The following PKIA variants were observed in gnomAD, a reference collection of about 807,000 sequenced individuals.
PKIA encodes the protein cAMP-dependent protein kinase inhibitor alpha, also known as PKI-alpha.
A neutral mutation model predicts 7.6 loss-of-function variants in PKIA; 4 were observed. The ratio of observed to expected loss-of-function variants is 0.52; its 90% confidence interval spans 0.26 to 1.20. PKIA has a LOEUF of 1.20. Among genes scored for constraint, PKIA ranks in the 50% most tolerant of loss-of-function variants. The pLI, the probability that PKIA is intolerant of heterozygous loss-of-function variation, is 0.13. For synonymous variants in PKIA, 21 were observed against 30.7 expected, an observed-to-expected ratio of 0.68 and a Z score of 1.04; for missense variants, 73 against 86.2, an observed-to-expected ratio of 0.85 and a Z score of 0.61.
intron 2 of PKIA, among the ~76,000 whole-genome samples, chr8:78,586,472 C>G (rs1807952589): frequency 2.0e-5 from 3 of 152,084 alleles, no homozygotes; most frequent in Non-Finnish European, 4.4e-5. Flanking sequence ...CAAGGCAAAA[C>G]AGCCCTAACA....
At chr8:78,585,035 G>C (rs1053998749) in intron 2 of PKIA, among the ~76,000 whole-genome samples, 1 of 151,980 alleles carries the variant, frequency 6.6e-6, no homozygotes, top group African/African-American at 2.4e-5. Flanking sequence ...TATACAACAT[G>C]TCATGATTTT....
chr8:78,597,184 G>A (rs901551879), intron 2 of PKIA, among the ~76,000 whole-genome samples: 3 of 151,912 alleles, frequency 2.0e-5, no homozygotes, highest in Admixed American at 1.3e-4. Context: ...GGTTCTTTAC[G>A]AATTTCAGAA....
chr8:78,564,750 T>C (rs964635597), intron 1 of PKIA, among the ~76,000 whole-genome samples: 1 of 151,882 alleles, frequency 6.6e-6, no homozygotes, highest in Non-Finnish European at 1.5e-5. Flanking sequence ...AGAAAATGAT[T>C]GAGTAAAGCA....
chr8:78,598,315 G>T, intron 2 of PKIA, 43 bp from the exon 3 acceptor site: 1 of 1,220,576 alleles, frequency 8.2e-7, no homozygotes, highest in South Asian at 1.4e-5. Context: ...GTTTAGCATT[G>T]ACTACCATTA....
Position 78,602,054 on chromosome 8 carries a change from A to AT in PKIA, c.*238dup. ...ATCATGTGGCTTGTGTTTGGGCGTCATTTTTGTATGGATCCTTTCACTTGA... is the reference window on the plus strand; with the variant it reads ...ATCATGTGGCTTGTGTTTGGGCGTCATTTTTTGTATGGATCCTTTCACTTGA... On this transcript the variant is annotated 3_prime_UTR_variant, in exon 4 of 4. Transcript: ENST00000396418. The AT allele has an allele frequency of 1.9e-6, 1 of 531,900 alleles. No homozygotes were observed. The highest frequency in any genetic ancestry group is 3.3e-6 in the Non-Finnish European group (1 of 299,634). 32.9% of individuals were successfully genotyped at this position (531,900 alleles called of 1,614,324 possible).
intron 1 of PKIA, among the ~76,000 whole-genome samples, chr8:78,555,563 C>T (rs181111222): frequency 1.8e-4 from 28 of 152,080 alleles, no homozygotes; most frequent in African/African-American, 6.0e-4. Flanking sequence ...AAATAAAAAT[C>T]ACTTCTTAGT....
intron 1 of PKIA, among the ~76,000 whole-genome samples, chr8:78,547,691 A>G (rs969800007): frequency 6.6e-6 from 1 of 152,180 alleles, no homozygotes. Flanking sequence ...AGAGAGGACT[A>G]GACAGTATGT....
At chr8:78,598,261 CA>C (rs1808273967) in intron 2 of PKIA, 96 bp from the exon 3 acceptor site, 1 of 653,608 alleles carries the variant, frequency 1.5e-6, no homozygotes, top group African/African-American at 1.9e-5. Flanking sequence ...AACTTGTAAA[CA>C]GGACAATTGT....
At chr8:78,519,870 G>A (rs777599624) in intron 1 of PKIA, among the ~76,000 whole-genome samples, 26 of 151,968 alleles carry the variant, frequency 1.7e-4, no homozygotes, top group African/African-American at 3.9e-4. Flanking sequence ...CTTACATGTC[G>A]AAACCTTGTT....
intron 1 of PKIA, among the ~76,000 whole-genome samples, chr8:78,562,364 A>G (rs1025470794): frequency 1.3e-5 from 2 of 152,182 alleles, no homozygotes; most frequent in African/African-American, 4.8e-5. Context: ...TAGGAGACTC[A>G]ACAGTCAAAG....
intron 1 of PKIA, among the ~76,000 whole-genome samples, chr8:78,516,946 C>T (rs899550690): frequency 1.3e-5 from 2 of 152,174 alleles, no homozygotes; most frequent in Non-Finnish European, 2.9e-5. Flanking sequence ...AAAACACCTG[C>T]TTCAAGACTG....
intron 1 of PKIA, among the ~76,000 whole-genome samples, chr8:78,560,441 A>G (rs1299016915): frequency 1.3e-5 from 2 of 152,204 alleles, no homozygotes; most frequent in East Asian, 3.9e-4. Flanking sequence ...TTGAAAGTTA[A>G]TTCTGATTAA....
At chr8:78,562,080 A>G (rs934452131) in intron 1 of PKIA, among the ~76,000 whole-genome samples, 1 of 152,174 alleles carries the variant, frequency 6.6e-6, no homozygotes, top group African/African-American at 2.4e-5. Context: ...TTTTCTACAT[A>G]AAACCTCTTA....
chr8:78,567,649 C>T (rs79215674), intron 1 of PKIA, among the ~76,000 whole-genome samples: 2,308 of 152,260 alleles, frequency 0.015, 41 homozygotes, highest in Non-Finnish European at 0.022. Context: ...GAAATCACTA[C>T]GCTCAGCCAA....
chr8:78,583,539 T>G (rs1327244653), intron 2 of PKIA, among the ~76,000 whole-genome samples: 1 of 152,178 alleles, frequency 6.6e-6, no homozygotes, highest in East Asian at 1.9e-4. Flanking sequence ...TTTGTAAGTC[T>G]CGAAATGCTG....
chr8:78,602,902 A>T lies in PKIA; in HGVS notation c.*1081A>T, dbSNP rs140078419. On this transcript the variant is annotated 3_prime_UTR_variant, in exon 4 of 4. Transcript: ENST00000396418. ...TGGAGAAAGTAATCTCCTTGCAATC[A>T]TGTGGACACCAATCACAAAAGTAAA... 3 of 152,414 alleles carry T rather than the reference A, an allele frequency of 2.0e-5. No individual in the cohort carries two copies. In the East Asian group the frequency reaches 5.8e-4, roughly 29 times the overall value. 9.4% of individuals were successfully genotyped at this position (152,414 alleles called of 1,614,324 possible). A position where few individuals can be genotyped will look rare whatever the true frequency, so the allele number is the denominator to read the frequency against.
chr8:78,541,625 AT>A (rs1364771387), intron 1 of PKIA, among the ~76,000 whole-genome samples: 1 of 152,090 alleles, frequency 6.6e-6, no homozygotes, highest in African/African-American at 2.4e-5. Context: ...ACTTTCCTCA[AT>A]GTTGACTTAA....
At chr8:78,583,591 T>G (rs1453959097) in intron 2 of PKIA, among the ~76,000 whole-genome samples, 1 of 152,148 alleles carries the variant, frequency 6.6e-6, no homozygotes, top group Non-Finnish European at 1.5e-5. Flanking sequence ...CCTTTCTTCT[T>G]TAAATGACTC....
At chr8:78,595,372 GGAGA>G (rs1808203371) in intron 2 of PKIA, among the ~76,000 whole-genome samples, 1 of 152,068 alleles carries the variant, frequency 6.6e-6, no homozygotes, top group African/African-American at 2.4e-5. Flanking sequence ...TGTGACGAGG[GGAGA>G]GAATTTCCAG....
Sources: allele counts gnomAD v4.1 joint callset (sites outside exome capture counted in the v4.1 genomes callset), GRCh38; gene constraint gnomAD v4.1.1; transcripts MANE v1.5; gene names NCBI Gene and HGNC (gene_info 2026-07-23, HGNC 2026-07-21).